ST7: variants seen among roughly 807,000 people sequenced by gnomAD.
The protein encoded by ST7 is suppression of tumorigenicity 7.
In ST7, 28 loss-of-function variants were observed where a neutral mutation model predicts 78.7. That is an observed-to-expected ratio of 0.36 (90% CI 0.26 to 0.49). The LOEUF (loss-of-function observed/expected upper bound fraction) is 0.49, where lower values mean the gene tolerates loss of function less well. Among genes scored for constraint, ST7 ranks in the 20% least tolerant of loss-of-function variants. The pLI, the probability that ST7 is intolerant of heterozygous loss-of-function variation, is 0.99. For synonymous variants in ST7, 247 were observed against 249.6 expected, an observed-to-expected ratio of 0.99 and a Z score of 0.10; for missense variants, 418 against 696.0, an observed-to-expected ratio of 0.60 and a Z score of 4.49.
At chr7:116,972,420 C>T (rs775833795) in intron 1 of ST7, 1 of 709,188 alleles carries the variant, frequency 1.4e-6, no homozygotes, top group Non-Finnish European at 2.5e-6. Context: ...GATTCTGGTC[C>T]ATCAGTCTGA....
rs147299288 is a variant in ST7 at position 117,011,134 on chromosome 7, T to TTGTGTG, written c.151+57457_151+57462dup. ...CAGATCCTCCAACAGTTTAAGTATT[T>TTGTGTG]TGTGTGTGTGTGTGTGTGTTAATGT... On this transcript the variant is annotated intron_variant, in intron 1 of 15. Coordinates refer to ENST00000323984, the MANE Select transcript of ST7 (RefSeq NM_001369598.1). Among the ~76,000 whole-genome samples, 19 of 151,114 alleles carry TTGTGTG rather than the reference T, an allele frequency of 1.3e-4. 1 individual carries two copies. In the South Asian group the frequency reaches 3.1e-3, roughly 25 times the overall value.
intron 1 of ST7, among the ~76,000 whole-genome samples, chr7:116,963,633 T>C (rs1330654139): frequency 1.5e-5 from 2 of 131,404 alleles, no homozygotes; most frequent in Non-Finnish European, 3.1e-5. Flanking sequence ...CTTTTTTTTC[T>C]TTTTTTTTTT....
intron 1 of ST7, among the ~76,000 whole-genome samples, chr7:117,001,341 TAGAAA>T (rs1794924989): frequency 6.6e-6 from 1 of 151,958 alleles, no homozygotes; most frequent in East Asian, 1.9e-4. Flanking sequence ...GAAAAAAACA[TAGAAA>T]AGAAAACTAC....
At chr7:117,106,440 T>G (rs1801969691) in intron 2 of ST7, among the ~76,000 whole-genome samples, 1 of 151,960 alleles carries the variant, frequency 6.6e-6, no homozygotes, top group African/African-American at 2.4e-5. Context: ...TTTCAATAGG[T>G]TTTTGGGAAA....
rs769471735 is a variant in ST7 at position 117,217,288 on chromosome 7, G to GAA, written c.1406-1786_1406-1785dup. Among the ~76,000 whole-genome samples, 510 of 126,462 alleles carry GAA rather than the reference G, an allele frequency of 4.0e-3. 4 individuals carry two copies. Among genetic ancestry groups the GAA allele is most frequent in the African/African-American group, 0.014 (483 of 34,672 alleles). The allele number at this position is 126,462 out of a possible 152,430, so 83.0% of individuals were successfully genotyped here. On this transcript the variant is annotated intron_variant, in intron 13 of 15. Transcript: ENST00000323984. ...TTGCACATGGAGAATCTGGATTTGG[G>GAA]AAAAAAAAAAACAAAAAAAAAAACT...
intron 2 of ST7, among the ~76,000 whole-genome samples, chr7:117,113,841 C>T (rs1253254021): frequency 2.6e-5 from 4 of 151,826 alleles, no homozygotes; most frequent in Non-Finnish European, 4.4e-5. Flanking sequence ...GCTGGCAGGG[C>T]TTGGGATGAA....
intron 1 of ST7, among the ~76,000 whole-genome samples, chr7:117,027,445 T>TAAAAATTAAA (rs60601393): frequency 1.2e-4 from 1 of 8,572 alleles, no homozygotes; most frequent in African/African-American, 3.5e-4. Flanking sequence ...GTCTCAAAAG[T>TAAAAATTAAA]GAAAAGTAAA....
intron 1 of ST7, among the ~76,000 whole-genome samples, chr7:116,958,075 C>T (rs1056595575): frequency 1.3e-5 from 2 of 152,118 alleles, no homozygotes; most frequent in Admixed American, 1.3e-4. Flanking sequence ...CAGCCTCAAC[C>T]TGCAGGCTCA....
chr7:117,179,062 T>G (rs536202363), intron 10 of ST7, among the ~76,000 whole-genome samples: 2 of 152,320 alleles, frequency 1.3e-5, no homozygotes, highest in Admixed American at 6.5e-5. Flanking sequence ...TTCATTCCAC[T>G]GCTGTTTCAA....
chr7:117,149,704 G>C (rs1031518965), intron 9 of ST7, among the ~76,000 whole-genome samples: 2 of 141,858 alleles, frequency 1.4e-5, no homozygotes, highest in African/African-American at 5.3e-5. Flanking sequence ...ACTTGGTTCT[G>C]CTTCTTTTAC....
At chr7:117,090,130 G>T (rs1056670531) in intron 1 of ST7, among the ~76,000 whole-genome samples, 4 of 152,078 alleles carry the variant, frequency 2.6e-5, no homozygotes, top group African/African-American at 9.7e-5. Flanking sequence ...CTTGCTATAT[G>T]AGGATAATAT....
intron 1 of ST7, among the ~76,000 whole-genome samples, chr7:117,006,974 T>C (rs2115875018): frequency 6.6e-6 from 1 of 152,206 alleles, no homozygotes; most frequent in East Asian, 1.9e-4. Context: ...CCTACCCTTC[T>C]CTAGTTTCTC....
Position 116,972,629 on chromosome 7 carries a change from CA to C in ST7, c.151+18940del, listed in dbSNP as rs1297521521. On this transcript the variant is annotated intron_variant, in intron 1 of 15. Coordinates refer to ENST00000323984, the MANE Select transcript of ST7 (RefSeq NM_001369598.1). ...TCTTCATCTTTTAAGGGCTGGTTTTCAATAAACTTCATACCTCTCTCACTCT... is the reference window on the plus strand; with the variant it reads ...TCTTCATCTTTTAAGGGCTGGTTTTCATAAACTTCATACCTCTCTCACTCT... 3 of 1,279,450 alleles carry C rather than the reference CA, an allele frequency of 2.3e-6. No individual in the cohort carries two copies. The African/African-American group carries it at 4.4e-5, about 19-fold the overall frequency. 79.3% of individuals were successfully genotyped at this position (1,279,450 alleles called of 1,614,324 possible).
chr7:117,041,661 A>G (rs1277975437), intron 1 of ST7, among the ~76,000 whole-genome samples: 1 of 152,142 alleles, frequency 6.6e-6, no homozygotes, highest in Non-Finnish European at 1.5e-5. Context: ...AGGGTATTTC[A>G]ATAAAGCATA....
chr7:116,983,279 ATC>A (rs1218769536), intron 1 of ST7, among the ~76,000 whole-genome samples: 1 of 152,030 alleles, frequency 6.6e-6, no homozygotes, highest in Non-Finnish European at 1.5e-5. Context: ...TCCTCATCTA[ATC>A]TCTCTGTTTC....
At chr7:117,034,994 G>A (rs1254499581) in intron 1 of ST7, among the ~76,000 whole-genome samples, 1 of 152,062 alleles carries the variant, frequency 6.6e-6, no homozygotes, top group East Asian at 1.9e-4. Flanking sequence ...TACCCTCCAA[G>A]ACTTATGCTT....
chr7:117,034,190 C>T (rs1228521320), intron 1 of ST7, among the ~76,000 whole-genome samples: 3 of 152,170 alleles, frequency 2.0e-5, no homozygotes, highest in Non-Finnish European at 2.9e-5. Context: ...CCTCCTGCCT[C>T]GGCCTCCCAA....
intron 9 of ST7, among the ~76,000 whole-genome samples, chr7:117,139,123 A>G (rs1450932865): frequency 6.6e-6 from 1 of 152,210 alleles, no homozygotes; most frequent in Non-Finnish European, 1.5e-5. Flanking sequence ...TTAAAACAAA[A>G]GAGAACCAAG....
chr7:117,186,418 A>C (rs1290738257), intron 10 of ST7, among the ~76,000 whole-genome samples: 1 of 152,222 alleles, frequency 6.6e-6, no homozygotes, highest in East Asian at 1.9e-4. Flanking sequence ...TAGAATCTAC[A>C]GTGCGGATAT....
Sources: allele counts gnomAD v4.1 joint callset (sites outside exome capture counted in the v4.1 genomes callset), GRCh38; gene constraint gnomAD v4.1.1; transcripts MANE v1.5; gene names NCBI Gene and HGNC (gene_info 2026-07-23, HGNC 2026-07-21).